The following CRYBG3 variants were observed in gnomAD, a reference collection of about 807,000 sequenced individuals.
The protein encoded by CRYBG3 is very large A-kinase anchor protein.
CRYBG3 carries 127 observed loss-of-function variants against 244.2 expected under a neutral mutation model. That is an observed-to-expected ratio of 0.52 (90% CI 0.45 to 0.60). The LOEUF (loss-of-function observed/expected upper bound fraction) is 0.60, where lower values mean the gene tolerates loss of function less well. Among genes scored for constraint, CRYBG3 ranks in the 20% least tolerant of loss-of-function variants. The pLI is 0.00. For missense variants in CRYBG3, 3,325 were observed against 3,442.5 expected, an observed-to-expected ratio of 0.97 and a Z score of 0.85; for synonymous variants, 1,132 against 1,195.8, an observed-to-expected ratio of 0.95 and a Z score of 1.10.
At chr3:97,926,475 G>A (rs1260177807) in intron 17 of CRYBG3, among the ~76,000 whole-genome samples, 4 of 152,004 alleles carry the variant, frequency 2.6e-5, no homozygotes, top group Admixed American at 2.0e-4. Flanking sequence ...TACTGAATGA[G>A]TAAAAGCTGG....
intron 15 of CRYBG3, among the ~76,000 whole-genome samples, chr3:97,910,945 C>T (rs1287541777): frequency 6.6e-6 from 1 of 152,216 alleles, no homozygotes; most frequent in African/African-American, 2.4e-5. Context: ...TCTGCTAGGA[C>T]TACAGCAGAA....
chr3:97,895,644 T>C (rs1242660054), intron 11 of CRYBG3, among the ~76,000 whole-genome samples: 1 of 152,228 alleles, frequency 6.6e-6, no homozygotes. Flanking sequence ...ATGCACTTTG[T>C]ATTATATTTA....
At position 97,877,415 on chromosome 3, in the gene CRYBG3, A is replaced by G; in HGVS notation, c.6221A>G (p.Glu2074Gly). The change falls in exon 4 of 22, where the codon GAG becomes GGG. Residue 2074 changes from glutamate to glycine, a missense_variant. Physicochemically the swap from Glu to Gly is moderately conservative, Grantham distance 98. This residue lies in a region of CRYBG3 where 450 missense variants were observed against 424.1 expected (regional missense o/e 1.06). Transcript: ENST00000389622. ...SDSSEMFLSV[E>G]AKRYKIYPLA... is the part of the protein sequence containing the mutation. The stretch of plus-strand genomic sequence containing the variant: ...AGTTCAGAAATGTTCTTATCAGTGG[A>G]GGCCAAAAGGTACAAAATTTATCCT... 1.2e-6 allele frequency: 2 copies of G among 1,614,158 alleles called. No homozygotes were observed. Among genetic ancestry groups the G allele is most frequent in the Non-Finnish European group, 1.7e-6 (2 of 1,180,004 alleles).
Position 97,910,409 on chromosome 3 carries a change from G to A in CRYBG3, c.8005-1758G>A, listed in dbSNP as rs1341028850. Among the ~76,000 whole-genome samples, 3 of 150,366 alleles carry A rather than the reference G, an allele frequency of 2.0e-5. No individual in the cohort carries two copies. In the East Asian group the frequency reaches 5.8e-4, roughly 29 times the overall value. ...GCTAGCAATCAGCGAGACTCTGTGG[G>A]CGTAGGACCCTCCGAGCCAGGTGCA... On this transcript the variant is annotated intron_variant, in intron 15 of 21. Coordinates refer to ENST00000389622, the MANE Select transcript of CRYBG3 (RefSeq NM_153605.4).
chr3:97,864,341 A>T lies in CRYBG3; in HGVS notation c.341A>T (p.Asp114Val), dbSNP rs1349791501. ...TCAGATACCAAAATAGGAGAAAGTG[A>T]CAGACAGCCAAAAGAAAGCTTTTTT... ...STSDTKIGES[D>V]RQPKESFFQF... The change falls in exon 3 of 22, where the codon GAC becomes GTC. Residue 114 changes from aspartate to valine, a missense_variant. By Grantham distance (152) the Asp-to-Val change is radical. Coordinates refer to ENST00000389622, the MANE Select transcript of CRYBG3 (RefSeq NM_153605.4). 2 of 1,536,024 alleles carry T rather than the reference A, an allele frequency of 1.3e-6. No homozygotes were observed. Among genetic ancestry groups the T allele is most frequent in the East Asian group, 2.4e-5 (1 of 40,908 alleles).
chr3:97,838,508 A>G (rs765577657), intron 1 of CRYBG3, among the ~76,000 whole-genome samples: 8 of 152,070 alleles, frequency 5.3e-5, no homozygotes, highest in Non-Finnish European at 1.2e-4. Context: ...GGATTCCTTG[A>G]CAGTCGGGCC....
chr3:97,908,362 T>C (rs994259167), intron 15 of CRYBG3, among the ~76,000 whole-genome samples: 7 of 152,178 alleles, frequency 4.6e-5, no homozygotes, highest in Non-Finnish European at 1.0e-4. Flanking sequence ...AAGTCTCCCA[T>C]TATTAATATG....
At chr3:97,891,803 A>C (rs1025858034) in intron 10 of CRYBG3, among the ~76,000 whole-genome samples, 12 of 152,278 alleles carry the variant, frequency 7.9e-5, no homozygotes, top group Non-Finnish European at 1.6e-4. Context: ...AGAGAAATGA[A>C]TGGGAGCATT....
chr3:97,875,456 A>T lies in CRYBG3; in HGVS notation c.4262A>T (p.Glu1421Val). The change falls in exon 4 of 22, where the codon GAA becomes GTA. Residue 1421 changes from glutamate to valine, a missense_variant. Glu to Val is a moderately radical substitution (Grantham distance 121). Transcript: ENST00000389622. Reference protein sequence around the residue: ...SGLSDSINLQESDTVLLAEDM... With the variant: ...SGLSDSINLQVSDTVLLAEDM... ...CTGTCTGATAGTATAAATTTGCAGG[A>T]ATCAGATACGGTTTTACTAGCTGAA... 1 of 1,326,814 alleles carries T rather than the reference A, an allele frequency of 7.5e-7. No individual in the cohort carries two copies. The allele number at this position is 1,326,814 out of a possible 1,614,324, so 82.2% of individuals were successfully genotyped here.
rs1217626270 is a variant in CRYBG3, at chr3:97,876,877, A to C, written c.5683A>C (p.Thr1895Pro). 1 of 1,386,324 alleles carries C rather than the reference A, an allele frequency of 7.2e-7. No homozygotes were observed. Among genetic ancestry groups the C allele is most frequent in the Non-Finnish European group, 9.3e-7 (1 of 1,070,306 alleles). 85.9% of individuals were successfully genotyped at this position (1,386,324 alleles called of 1,614,324 possible). A position where few individuals can be genotyped will look rare whatever the true frequency, so the allele number is the denominator to read the frequency against. Reference sequence around the variant, plus strand: ...CATGCTTCCTGCATTTGAAAGTAAAACACCACAAGAGTATGCTGAAGGGAG... The same window carrying C: ...CATGCTTCCTGCATTTGAAAGTAAACCACCACAAGAGTATGCTGAAGGGAG... Reference protein sequence around the residue: ...EAMLPAFESKTPQEYAEGSVE... With the variant: ...EAMLPAFESKPPQEYAEGSVE... The change falls in exon 4 of 22, where the codon ACA becomes CCA. Residue 1895 changes from threonine (T) to proline (P), a missense_variant. Thr to Pro is a conservative substitution (Grantham distance 38, BLOSUM62 -1). Around this residue, in one of 4 missense-constraint regions of CRYBG3, gnomAD observed 635 missense variants for 771.7 expected, o/e 0.82. Coordinates refer to ENST00000389622, the MANE Select transcript of CRYBG3 (RefSeq NM_153605.4).
intron 1 of CRYBG3, among the ~76,000 whole-genome samples, chr3:97,839,718 G>C (rs188594601): frequency 2.9e-4 from 44 of 151,672 alleles, no homozygotes; most frequent in Non-Finnish European, 5.9e-4. Flanking sequence ...GTCCTGAATA[G>C]CTGGGACTAC....
intron 2 of CRYBG3, among the ~76,000 whole-genome samples, chr3:97,850,007 C>A (rs957277178): frequency 6.6e-6 from 1 of 152,092 alleles, no homozygotes; most frequent in Non-Finnish European, 1.5e-5. Context: ...CAGCATATAT[C>A]GTGAGCTTCA....
At chr3:97,833,748 A>G (rs1437907498) in intron 1 of CRYBG3, among the ~76,000 whole-genome samples, 3 of 152,112 alleles carry the variant, frequency 2.0e-5, no homozygotes, top group Admixed American at 6.6e-5. Context: ...AGATTACAAA[A>G]CAGAGGTTTT....
At position 97,874,258 on chromosome 3, in the gene CRYBG3, G is replaced by T; in HGVS notation, c.3064G>T (p.Ala1022Ser). Residue 1022 changes from alanine to serine, a missense_variant, in exon 4 of 22, where the codon GCA becomes TCA. By Grantham distance (99) the Ala-to-Ser change is moderately conservative. Transcript: ENST00000389622. ...TTCCAGTTTGGAAAAAAATTCTTCT[G>T]CATCTGAGGACTCAAGCTTCCTTAA... is the stretch of plus-strand genomic sequence containing the variant. Reference protein sequence around the residue: ...SDSSLEKNSSASEDSSFLKVP... With the variant: ...SDSSLEKNSSSSEDSSFLKVP... 6.5e-7 allele frequency: 1 copy of T among 1,535,146 alleles called. No homozygotes were observed. The highest frequency in any genetic ancestry group is 8.7e-7 in the Non-Finnish European group (1 of 1,146,662).
chr3:97,893,339 T>C (rs2039603402), intron 11 of CRYBG3, among the ~76,000 whole-genome samples: 2 of 152,254 alleles, frequency 1.3e-5, no homozygotes, highest in Non-Finnish European at 2.9e-5. Context: ...TGATCATACT[T>C]GACTTATGTA....
intron 15 of CRYBG3, among the ~76,000 whole-genome samples, chr3:97,904,674 T>A (rs1302045096): frequency 6.6e-6 from 1 of 151,044 alleles, no homozygotes; most frequent in Non-Finnish European, 1.5e-5. Context: ...ATTTTTATTT[T>A]TTTTATTTTT....
chr3:97,924,139 T>C (rs954416080), intron 17 of CRYBG3: 6 of 306,808 alleles, frequency 2.0e-5, no homozygotes, highest in South Asian at 1.3e-4. Flanking sequence ...CTGACCTATA[T>C]AGTAATGGAA....
intron 7 of CRYBG3, among the ~76,000 whole-genome samples, chr3:97,881,578 T>A (rs1351666271): frequency 6.6e-6 from 1 of 151,332 alleles, no homozygotes; most frequent in Non-Finnish European, 1.5e-5. Flanking sequence ...TGGCCGGGCG[T>A]GGTGGTGCAA....
intron 18 of CRYBG3, 108 bp downstream of exon 18, chr3:97,933,941 A>C (rs755715626): frequency 3.0e-4 from 248 of 834,840 alleles, no homozygotes; most frequent in Non-Finnish European, 3.8e-4. Context: ...AGTGGTCTTG[A>C]GGAAGAGCCC....
Sources: gnomAD v4.1 joint callset for allele counts (sites outside exome capture counted in the v4.1 genomes callset) on GRCh38, gnomAD v4.1.1 for gene constraint, gnomAD v4.1.1 regional missense constraint, MANE v1.5 for transcripts, NCBI Gene and HGNC (gene_info 2026-07-23, HGNC 2026-07-21) for gene names.